The following PTPRQ variants were observed in gnomAD, a reference collection of about 807,000 sequenced individuals.
PTPRQ encodes protein tyrosine phosphatase receptor type Q, also known as phosphatidylinositol phosphatase PTPRQ.
A neutral mutation model predicts 246.0 loss-of-function variants in PTPRQ; 199 were observed. That is an observed-to-expected ratio of 0.81 (90% CI 0.72 to 0.91). The LOEUF (loss-of-function observed/expected upper bound fraction) is 0.91, where lower values mean the gene tolerates loss of function less well. Among genes scored for constraint, PTPRQ ranks in the 40% least tolerant of loss-of-function variants. The pLI is 0.00. For synonymous variants in PTPRQ, 869 were observed against 853.2 expected, an observed-to-expected ratio of 1.02 and a Z score of -0.32; for missense variants, 2,624 against 2,528.4, an observed-to-expected ratio of 1.04 and a Z score of -0.81.
At chr12:80,570,104 G>C (rs1352712560) in intron 25 of PTPRQ, among the ~76,000 whole-genome samples, 1 of 151,824 alleles carries the variant, frequency 6.6e-6, no homozygotes, top group Non-Finnish European at 1.5e-5. Flanking sequence ...ACCCAGTAAT[G>C]GGATTGCTGG....
chr12:80,472,653 T>C (rs1893677498), intron 8 of PTPRQ, among the ~76,000 whole-genome samples: 1 of 152,204 alleles, frequency 6.6e-6, no homozygotes, highest in Admixed American at 6.5e-5. Flanking sequence ...TTCAACAAAA[T>C]ATGTTTATAA....
chr12:80,514,223 T>A (rs1418966848), intron 17 of PTPRQ, among the ~76,000 whole-genome samples: 2 of 152,080 alleles, frequency 1.3e-5, no homozygotes, highest in Non-Finnish European at 2.9e-5. Context: ...TTCTTCCGTA[T>A]ACTCTTTCCT....
chr12:80,641,101 T>A (rs906731896), intron 35 of PTPRQ, among the ~76,000 whole-genome samples: 1 of 152,200 alleles, frequency 6.6e-6, no homozygotes, highest in African/African-American at 2.4e-5. Context: ...ATACACAGAA[T>A]GGCATATTTC....
intron 25 of PTPRQ, among the ~76,000 whole-genome samples, chr12:80,553,641 C>T (rs1896552302): frequency 6.6e-6 from 1 of 152,024 alleles, no homozygotes. Context: ...TGCAGCTAAA[C>T]ATGTATCGTG....
intron 6 of PTPRQ, among the ~76,000 whole-genome samples, chr12:80,463,940 T>A (rs1418569788): frequency 6.6e-6 from 1 of 151,556 alleles, no homozygotes; most frequent in Non-Finnish European, 1.5e-5. Flanking sequence ...CCATCGAGAC[T>A]AAGAAGAAAC....
At chr12:80,514,715 GTATATAT>G (rs1055645920) in intron 17 of PTPRQ, among the ~76,000 whole-genome samples, 4 of 142,966 alleles carry the variant, frequency 2.8e-5, no homozygotes, top group African/African-American at 1.0e-4. Context: ...ATAAGTATAT[GTATATAT>G]TATATATGAT....
intron 17 of PTPRQ, among the ~76,000 whole-genome samples, chr12:80,512,954 C>T (rs536319583): frequency 1.3e-5 from 2 of 152,122 alleles, no homozygotes; most frequent in East Asian, 3.9e-4. Context: ...CTCTGGTGCC[C>T]CCCTGCTCAA....
chr12:80,658,182 T>G, intron 39 of PTPRQ, 121 bp downstream of exon 39: 1 of 571,334 alleles, frequency 1.8e-6, no homozygotes, highest in Non-Finnish European at 2.6e-6. Context: ...AATATGCTAG[T>G]TATTTACAGC....
intron 17 of PTPRQ, chr12:80,512,497 AG>A (rs1388183419): frequency 6.6e-6 from 1 of 152,196 alleles, no homozygotes; most frequent in Non-Finnish European, 1.5e-5. Context: ...AAATGTCTAA[AG>A]GTACCAGGAT....
Position 80,610,661 on chromosome 12 carries a change from T to C in PTPRQ, c.4918+36T>C, listed in dbSNP as rs769438642. ...TTTCTCAACCTTGCTAAAAATTGACTGAGATTTAGCTGGCTTTCTTACAGT... is the reference window on the plus strand; with the variant it reads ...TTTCTCAACCTTGCTAAAAATTGACCGAGATTTAGCTGGCTTTCTTACAGT... On this transcript the variant is annotated intron_variant, in intron 28 of 44. Coordinates refer to ENST00000644991, the MANE Select transcript of PTPRQ (RefSeq NM_001145026.2). 50 of 1,536,852 alleles carry C rather than the reference T, an allele frequency of 3.3e-5. 1 individual carries two copies. In the Middle Eastern group the frequency reaches 8.4e-4, roughly 26 times the overall value.
At chr12:80,518,667 G>A (rs549416514) in intron 17 of PTPRQ, among the ~76,000 whole-genome samples, 1 of 152,180 alleles carries the variant, frequency 6.6e-6, no homozygotes, top group South Asian at 2.1e-4. Context: ...GGTGAAAGAT[G>A]GAGGTCAAGT....
chr12:80,448,671 A>G (rs1892636013), intron 3 of PTPRQ, among the ~76,000 whole-genome samples: 1 of 149,506 alleles, frequency 6.7e-6, no homozygotes, highest in South Asian at 2.1e-4. Context: ...GATGATTTCC[A>G]ATTTCATCTA....
chr12:80,517,275 C>T (rs565211758), intron 17 of PTPRQ, among the ~76,000 whole-genome samples: 6 of 152,150 alleles, frequency 3.9e-5, no homozygotes, highest in Non-Finnish European at 8.8e-5. Context: ...AAAAAATCAG[C>T]AGAGTTGAAT....
At chr12:80,467,014 A>C (rs956211835) in intron 6 of PTPRQ, among the ~76,000 whole-genome samples, 22 of 152,320 alleles carry the variant, frequency 1.4e-4, no homozygotes, top group Admixed American at 6.5e-5. Context: ...AATGGGATCT[A>C]ATTAAACTAA....
Position 80,622,114 on chromosome 12 carries a change from C to G in PTPRQ, c.5666C>G (p.Ser1889Cys). The G allele has an allele frequency of 6.9e-7, 1 of 1,446,244 alleles. No individual in the cohort carries two copies. The highest frequency in any genetic ancestry group is 9.1e-7 in the Non-Finnish European group (1 of 1,095,116). The allele number at this position is 1,446,244 out of a possible 1,614,324, so 89.6% of individuals were successfully genotyped here. ...GGACAATTTACTGACTCTGATTATT[C>G]TGACCCTGTTAAGACTTTAGGTAAG... Reference protein sequence around the residue: ...IMGQFTDSDYSDPVKTLGEGL... With the variant: ...IMGQFTDSDYCDPVKTLGEGL... The change falls in exon 33 of 45, where the codon TCT becomes TGT. Residue 1889 changes from serine to cysteine, a missense_variant. Transcript: ENST00000644991.
At chr12:80,607,867 A>G (rs180745169) in intron 27 of PTPRQ, among the ~76,000 whole-genome samples, 3 of 150,968 alleles carry the variant, frequency 2.0e-5, no homozygotes, top group East Asian at 2.0e-4. Context: ...ACAAATTGTT[A>G]TGAGTAGCTT....
intron 25 of PTPRQ, among the ~76,000 whole-genome samples, chr12:80,575,319 C>T (rs1238443581): frequency 2.6e-5 from 4 of 152,028 alleles, no homozygotes; most frequent in African/African-American, 9.7e-5. Flanking sequence ...AGTGTGGTGG[C>T]TCACACCTGT....
At chr12:80,495,142 G>A (rs1894572461) in intron 11 of PTPRQ, 48 bp downstream of exon 11, 1 of 1,549,516 alleles carries the variant, frequency 6.5e-7, no homozygotes, top group Middle Eastern at 1.7e-4. Flanking sequence ...TATTGCTGTT[G>A]TACACTGTGA....
At chr12:80,589,320 T>C (rs1897715916) in intron 26 of PTPRQ, among the ~76,000 whole-genome samples, 1 of 152,206 alleles carries the variant, frequency 6.6e-6, no homozygotes, top group Non-Finnish European at 1.5e-5. Flanking sequence ...ATGCCATTTC[T>C]GCCCCAGCCC....
Sources: allele counts gnomAD v4.1 joint callset (sites outside exome capture counted in the v4.1 genomes callset), GRCh38; gene constraint gnomAD v4.1.1; transcripts MANE v1.5; gene names NCBI Gene and HGNC (gene_info 2026-07-23, HGNC 2026-07-21).